Variants in PREX1 observed in about 807,000 individuals in gnomAD.
PREX1 encodes the protein phosphatidylinositol 3,4,5-trisphosphate-dependent Rac exchanger 1 protein.
A neutral mutation model predicts 198.3 loss-of-function variants in PREX1; 41 were observed. That is an observed-to-expected ratio of 0.21 (90% confidence interval 0.16 to 0.27). PREX1 has a LOEUF of 0.27. Ranked by LOEUF, PREX1 falls within the 10% of genes least tolerant of loss-of-function variation. PREX1 has a pLI of 1.00. For missense variants in PREX1, 1,620 were observed against 2,200.7 expected (o/e 0.74, Z 5.28); for synonymous variants, 843 against 887.2 (o/e 0.95, Z 0.89).
chr20:48,651,555 C>G lies in PREX1; in HGVS notation c.2496G>C (p.Arg832=), dbSNP rs117362968. ...TGGGGCTGTCCTCACACAGGCTCAG[C>G]CGGGGACCCAGGGACAGCAGTGGGA... ...SAFPLLSLGP[R]LSLCEDSPMV... Residue 832 remains arginine, a synonymous_variant, in exon 22 of 40, where the codon CGG becomes CGC. Coordinates refer to ENST00000371941, the MANE Select transcript of PREX1 (RefSeq NM_020820.4). The G allele has an allele frequency of 2.7e-3, 4,298 of 1,613,930 alleles. 107 individuals are homozygous for G. The East Asian group carries it at 0.06, about 23-fold the overall frequency.
intron 1 of PREX1, among the ~76,000 whole-genome samples, chr20:48,758,446 A>G (rs566461685): frequency 6.6e-6 from 1 of 152,164 alleles, no homozygotes; most frequent in South Asian, 2.1e-4. Flanking sequence ...TCAAAAAGAA[A>G]GAGGGTGTAG....
At chr20:48,744,684 A>G (rs1037638275) in intron 3 of PREX1, among the ~76,000 whole-genome samples, 8 of 152,172 alleles carry the variant, frequency 5.3e-5, no homozygotes, top group Non-Finnish European at 1.2e-4. Context: ...TGCCAAGTCC[A>G]TCTCTTCTTG....
At chr20:48,636,743 A>T (rs980153015) in intron 31 of PREX1, 60 bp from the exon 32 acceptor site, 82 of 1,432,732 alleles carry the variant, frequency 5.7e-5, no homozygotes, top group Non-Finnish European at 7.0e-5. Flanking sequence ...CAGGAGGCCC[A>T]CCCCCCAAAA....
intron 20 of PREX1, 91 bp downstream of exon 20, chr20:48,653,270 G>T: frequency 6.5e-7 from 1 of 1,533,498 alleles, no homozygotes. Flanking sequence ...AGTGGTACAT[G>T]CAGGCTTTTC....
chr20:48,652,727 G>T (rs779724034), intron 20 of PREX1, 21 bp from the exon 21 acceptor site: 3 of 1,606,910 alleles, frequency 1.9e-6, no homozygotes, highest in African/African-American at 1.3e-5. Context: ...CCAGAGTAAG[G>T]GGACAGCCAT....
At chr20:48,685,916 A>AAATTAGCCGGGCGCGGTGGCGGGCGC (rs1555835163) in intron 10 of PREX1, among the ~76,000 whole-genome samples, 23 of 151,568 alleles carry the variant, frequency 1.5e-4, no homozygotes, top group Admixed American at 4.0e-4. Flanking sequence ...GATAAATCAG[A>AAATTAGCCGGGCGCGGTGGCGGGCGC]CACTTTTTAT....
the PREX1 span, among the ~76,000 whole-genome samples, chr20:48,865,128 T>C: frequency 1.3e-5 from 2 of 152,094 alleles, no homozygotes; most frequent in South Asian, 4.1e-4. Context: ...CTGGGGAGTC[T>C]CTGGGGGAAA....
chr20:48,826,113 G>A (rs1377432102), intron 1 of PREX1, among the ~76,000 whole-genome samples: 1 of 151,640 alleles, frequency 6.6e-6, no homozygotes, highest in African/African-American at 2.4e-5. Flanking sequence ...AAGCCATGAG[G>A]AGCCCCAGAG....
At chr20:48,760,698 G>A (rs941602835) in intron 1 of PREX1, among the ~76,000 whole-genome samples, 1 of 152,100 alleles carries the variant, frequency 6.6e-6, no homozygotes, top group Non-Finnish European at 1.5e-5. Context: ...ATTCTAGGGG[G>A]ACAAGTCCTC....
chr20:48,637,780 G>T, intron 30 of PREX1, 28 bp from the exon 31 acceptor site: 1 of 1,601,218 alleles, frequency 6.2e-7, no homozygotes, highest in South Asian at 1.1e-5. Context: ...ACAGAAAGGG[G>T]GACGGGCTGG....
At position 48,740,392 on chromosome 20, in the gene PREX1, G is replaced by A. The variant is rs574920003; in HGVS notation, c.414+4633C>T. On this transcript the variant is annotated intron_variant, in intron 3 of 39. Transcript: ENST00000371941. ...CCTAGAGCTGCCTTCAGCCTAAGAG[G>A]GCCACCTGTCTGAGGCGGTACACCC... Among the ~76,000 whole-genome samples the A allele has an allele frequency of 8.5e-5, 13 of 152,282 alleles. 1 individual carries two copies. The South Asian group carries it at 2.7e-3, about 32-fold the overall frequency.
the PREX1 span, among the ~76,000 whole-genome samples, chr20:48,854,355 G>A: frequency 7.2e-5 from 11 of 152,154 alleles, no homozygotes; most frequent in Non-Finnish European, 1.6e-4. Flanking sequence ...ATATGTGTGT[G>A]TGTGTCTGAC....
intron 38 of PREX1, 82 bp from the exon 39 acceptor site, chr20:48,627,697 C>T: frequency 6.7e-7 from 1 of 1,496,966 alleles, no homozygotes; most frequent in Middle Eastern, 1.7e-4. Flanking sequence ...GGGTGGGGCC[C>T]AGAAGCCCAA....
intron 14 of PREX1, among the ~76,000 whole-genome samples, chr20:48,670,597 C>T (rs1374859593): frequency 1.3e-5 from 2 of 152,198 alleles, no homozygotes; most frequent in Non-Finnish European, 2.9e-5. Flanking sequence ...GAGCTGGCTT[C>T]CCCCGATTCA....
chr20:48,638,435 T>C (rs1272159814), intron 30 of PREX1, among the ~76,000 whole-genome samples: 1 of 152,198 alleles, frequency 6.6e-6, no homozygotes, highest in African/African-American at 2.4e-5. Flanking sequence ...AAAAGCTCAA[T>C]TCTTCCAGGC....
At chr20:48,847,388 A>AAAAAAAAAAAAAAAAAAC in the PREX1 span, among the ~76,000 whole-genome samples, 1 of 147,496 alleles carries the variant, frequency 6.8e-6, no homozygotes, top group Non-Finnish European at 1.5e-5. Context: ...AAAAAAACAA[A>AAAAAAAAAAAAAAAAAAC]CCCTCCCCAA....
chr20:48,840,393 G>T, the PREX1 span, among the ~76,000 whole-genome samples: 2 of 151,504 alleles, frequency 1.3e-5, no homozygotes, highest in Non-Finnish European at 2.9e-5. Flanking sequence ...ATTTCCTAGT[G>T]CTAGACACTG....
intron 27 of PREX1, among the ~76,000 whole-genome samples, 168 bp downstream of exon 27, chr20:48,644,241 T>G (rs1279689100): frequency 2.0e-5 from 3 of 152,210 alleles, no homozygotes; most frequent in Non-Finnish European, 4.4e-5. Flanking sequence ...TAATATGGGC[T>G]CAAGAAATAC....
chr20:48,882,065 T>G, the PREX1 span, among the ~76,000 whole-genome samples: 1 of 152,326 alleles, frequency 6.6e-6, no homozygotes, highest in East Asian at 1.9e-4. Context: ...GCTTCATCCA[T>G]GCTACAGCAT....
Sources: allele counts gnomAD v4.1 joint callset (sites outside exome capture counted in the v4.1 genomes callset), GRCh38; gene constraint gnomAD v4.1.1; transcripts MANE v1.5; gene names NCBI Gene and HGNC (gene_info 2026-07-23, HGNC 2026-07-21).